CASK: variants seen among roughly 807,000 people sequenced by gnomAD.
The protein encoded by CASK is calcium/calmodulin dependent serine protein kinase.
Under a neutral mutation model 82.9 loss-of-function variants are expected in CASK, and 4 were observed. That is an observed-to-expected ratio of 0.05 (90% CI 0.02 to 0.11). The LOEUF is 0.11. Among genes scored for constraint, CASK ranks in the 10% least tolerant of loss-of-function variants. The pLI, the probability that CASK is intolerant of heterozygous loss-of-function variation, is 1.00. For missense variants in CASK, 358 were observed against 720.9 expected (o/e 0.50, Z 5.76); for synonymous variants, 259 against 253.5 (o/e 1.02, Z -0.20).
At chrX:41,893,241 G>A (rs138254073) in intron 1 of CASK, among the ~76,000 whole-genome samples, 3,861 of 111,573 alleles carry the variant, frequency 0.035, 182 homozygotes, top group African/African-American at 0.12. Flanking sequence ...ACCACAATTC[G>A]CTGGCCTTGT....
At chrX:41,723,991 T>C (rs2068210619) in intron 5 of CASK, among the ~76,000 whole-genome samples, 1 of 112,184 alleles carries the variant, frequency 8.9e-6, no homozygotes, top group African/African-American at 3.2e-5. Flanking sequence ...GTGTAACTAG[T>C]TCATGAAATA....
intron 2 of CASK, among the ~76,000 whole-genome samples, chrX:41,839,765 A>T (rs2147944273): frequency 8.9e-6 from 1 of 111,839 alleles, no homozygotes; most frequent in East Asian, 2.8e-4. Context: ...GAAAAATGTA[A>T]GGTCTATGTC....
chrX:41,623,814 T>A (rs1159933435), intron 10 of CASK, among the ~76,000 whole-genome samples: 1 of 111,652 alleles, frequency 9.0e-6, no homozygotes, highest in Non-Finnish European at 1.9e-5. Context: ...GCTCAAGTGA[T>A]CCTCCTGCCT....
chrX:41,642,955 T>C (rs1472328645), intron 8 of CASK, among the ~76,000 whole-genome samples: 4 of 112,138 alleles, frequency 3.6e-5, no homozygotes, highest in Non-Finnish European at 7.5e-5. Flanking sequence ...CAGTTTCAGC[T>C]TTCTACATAT....
chrX:41,837,731 C>T (rs1404894298), intron 2 of CASK, among the ~76,000 whole-genome samples: 3 of 111,931 alleles, frequency 2.7e-5, no homozygotes, highest in Non-Finnish European at 5.6e-5. Context: ...TTCGTTTAAC[C>T]ATTAACCCAT....
At chrX:41,813,852 G>A (rs1223286957) in intron 2 of CASK, among the ~76,000 whole-genome samples, 8 of 111,524 alleles carry the variant, frequency 7.2e-5, no homozygotes, top group African/African-American at 2.3e-4. Flanking sequence ...ATCTGACAAA[G>A]GGCTAATATC....
intron 5 of CASK, chrX:41,724,086 T>A (rs1038624923): frequency 1.8e-5 from 2 of 112,583 alleles, no homozygotes; most frequent in African/African-American, 6.5e-5. Context: ...GAGGAGGCAG[T>A]TGCCACATTG....
intron 10 of CASK, among the ~76,000 whole-genome samples, chrX:41,625,685 G>A (rs1416016236): frequency 9.0e-6 from 1 of 111,453 alleles, no homozygotes; most frequent in Admixed American, 9.5e-5. Context: ...GTGAACACTG[G>A]CAGGTTGTTT....
intron 9 of CASK, among the ~76,000 whole-genome samples, chrX:41,630,795 AG>A (rs753131010): frequency 8.9e-6 from 1 of 111,835 alleles, no homozygotes; most frequent in South Asian, 3.7e-4. Flanking sequence ...AGCCCTAAAA[AG>A]GGTGGAGAAT....
intron 5 of CASK, among the ~76,000 whole-genome samples, chrX:41,675,095 T>C (rs1372123752): frequency 1.8e-5 from 2 of 112,345 alleles, no homozygotes; most frequent in African/African-American, 6.5e-5. Context: ...AACATTTAGA[T>C]ACAAATAAAA....
In CASK at chrX:41,666,419, A is replaced by G. The variant is rs1431576816; in HGVS notation, c.533-967T>C. ...AGCTCTTCTAGATATATGCAAGCCC[A>G]GCCACCTCCCTTCCTCCCTCTGTCT... is the stretch of plus-strand genomic sequence containing the variant. On this transcript the variant is annotated intron_variant, in intron 6 of 26. Transcript: ENST00000378163. 2.7e-5 allele frequency among the ~76,000 whole-genome samples: 3 copies of G among 112,098 alleles called. No homozygotes were observed. In the Admixed American group the frequency reaches 2.8e-4, roughly 11 times the overall value.
chrX:41,884,069 A>G (rs1236353928), intron 1 of CASK, among the ~76,000 whole-genome samples: 3 of 111,861 alleles, frequency 2.7e-5, no homozygotes, highest in Non-Finnish European at 5.6e-5. Flanking sequence ...AGAGTTCTTC[A>G]AGGATGCTGG....
At chrX:41,545,560 T>C (rs2065010679) in intron 21 of CASK, among the ~76,000 whole-genome samples, 1 of 112,162 alleles carries the variant, frequency 8.9e-6, no homozygotes, top group Non-Finnish European at 1.9e-5. Flanking sequence ...TTGTTTACTA[T>C]AGCTTTATAA....
intron 5 of CASK, among the ~76,000 whole-genome samples, chrX:41,709,944 T>C (rs1472964365): frequency 9.0e-6 from 1 of 110,884 alleles, no homozygotes; most frequent in Admixed American, 9.7e-5. Flanking sequence ...AAGAAGTGAT[T>C]GGTAATAAAA....
At chrX:41,561,667 A>T (rs370846321) in intron 16 of CASK, 23 bp from the exon 17 acceptor site, 4 of 1,046,788 alleles carry the variant, frequency 3.8e-6, no homozygotes, top group Non-Finnish European at 5.3e-6. Context: ...ATAACATTAT[A>T]AACATGAAAT....
chrX:41,637,896 T>G (rs1057265987), intron 8 of CASK, among the ~76,000 whole-genome samples: 1 of 109,806 alleles, frequency 9.1e-6, no homozygotes, highest in African/African-American at 3.3e-5. Context: ...TCCTCCCACC[T>G]TGGCCTCCCA....
At chrX:41,714,705 A>G (rs2068032701) in intron 5 of CASK, among the ~76,000 whole-genome samples, 1 of 111,720 alleles carries the variant, frequency 9.0e-6, no homozygotes, top group East Asian at 2.8e-4. Flanking sequence ...GGGGGTATTT[A>G]CTACCTTGCT....
chrX:41,567,060 T>C (rs1273551644), intron 16 of CASK, among the ~76,000 whole-genome samples: 2 of 112,071 alleles, frequency 1.8e-5, no homozygotes, highest in Non-Finnish European at 3.8e-5. Flanking sequence ...ACTGGATCCC[T>C]TCCTTACACC....
chrX:41,824,451 G>C (rs775521049), intron 2 of CASK, among the ~76,000 whole-genome samples: 1 of 112,473 alleles, frequency 8.9e-6, no homozygotes, highest in Admixed American at 9.4e-5. Context: ...CACTGGAGGA[G>C]AAAGGGTTCT....
Sources: gnomAD v4.1 joint callset for allele counts (sites outside exome capture counted in the v4.1 genomes callset) on GRCh38, gnomAD v4.1.1 for gene constraint, MANE v1.5 for transcripts, NCBI Gene and HGNC (gene_info 2026-07-23, HGNC 2026-07-21) for gene names.